The following CDH19 variants were observed in gnomAD, a reference collection of about 807,000 sequenced individuals.
CDH19 encodes the protein cadherin-19.
CDH19 carries 67 observed loss-of-function variants against 64.2 expected under a neutral mutation model. The ratio of observed to expected loss-of-function variants is 1.04; its 90% CI spans 0.86 to 1.28. CDH19 has a LOEUF of 1.28. Ranked by LOEUF, CDH19 falls within the 50% of genes most tolerant of loss-of-function variation. CDH19 has a pLI of 0.00. For missense variants in CDH19, 1,030 were observed against 929.0 expected (o/e 1.11, Z -1.41); for synonymous variants, 346 against 319.3 (o/e 1.08, Z -0.89).
chr18:66,519,766 A>T (rs1038300234), intron 9 of CDH19, among the ~76,000 whole-genome samples: 1 of 152,230 alleles, frequency 6.6e-6, no homozygotes, highest in African/African-American at 2.4e-5. Context: ...TAAATAATAC[A>T]TAAAAAGAAC....
chr18:66,588,605 C>CATATACATATATATATAT (rs1988644480), intron 1 of CDH19, among the ~76,000 whole-genome samples: 3 of 116,736 alleles, frequency 2.6e-5, no homozygotes, highest in African/African-American at 8.0e-5. Flanking sequence ...TTTTACTAAT[C>CATATACATATATATATAT]ATATATATCT....
chr18:66,538,130 C>T (rs1290915664), intron 7 of CDH19, among the ~76,000 whole-genome samples: 1 of 152,022 alleles, frequency 6.6e-6, no homozygotes, highest in Non-Finnish European at 1.5e-5. Flanking sequence ...AAAATATATT[C>T]ACTATGTAGA....
chr18:66,530,011 T>A (rs531308805), intron 8 of CDH19, 45 bp from the exon 9 acceptor site: 14 of 1,040,066 alleles, frequency 1.3e-5, no homozygotes, highest in Non-Finnish European at 1.6e-5. Flanking sequence ...TATTTTAATA[T>A]GTCTTTAGAA....
At chr18:66,598,686 G>A (rs1988965181) in intron 1 of CDH19, among the ~76,000 whole-genome samples, 1 of 152,066 alleles carries the variant, frequency 6.6e-6, no homozygotes, top group Admixed American at 6.5e-5. Flanking sequence ...CTACTTCAGG[G>A]TGGGGTGAGG....
chr18:66,522,813 T>C (rs1986054391), intron 9 of CDH19, among the ~76,000 whole-genome samples: 4 of 151,740 alleles, frequency 2.6e-5, no homozygotes, highest in African/African-American at 9.7e-5. Context: ...TTTAACAACT[T>C]TCTATAGGGA....
rs78301127 is a variant in CDH19, at chr18:66,551,499, T to C, written c.611-241A>G. ...CCCTTAATAAAATACTATGTTAAGA[T>C]AATCCACAGGTAGAAAAAAAAGAAT... is the stretch of plus-strand genomic sequence containing the variant. On this transcript the variant is annotated intron_variant, in intron 4 of 11. Coordinates refer to ENST00000262150, the MANE Select transcript of CDH19 (RefSeq NM_021153.4). Among the ~76,000 whole-genome samples the C allele has an allele frequency of 5.9e-3, 891 of 152,114 alleles. 11 individuals are homozygous for C. The highest frequency in any genetic ancestry group is 0.02 in the African/African-American group (843 of 41,526).
chr18:66,594,909 A>G (rs959278493), intron 1 of CDH19, among the ~76,000 whole-genome samples: 2 of 150,450 alleles, frequency 1.3e-5, no homozygotes, highest in Non-Finnish European at 3.0e-5. Context: ...AATGCTAGAT[A>G]ACGAGTTAGT....
rs566964464 is a variant in CDH19 at position 66,518,779 on chromosome 18, A to T, written c.1459-7094T>A. ...TATTCCTTAGAAACTTCTCTGTGAC[A>T]TAGTCTCAGTATTATTAAGCATAAT... is the stretch of plus-strand genomic sequence containing the variant. On this transcript the variant is annotated intron_variant, in intron 9 of 11. Coordinates refer to ENST00000262150, the MANE Select transcript of CDH19 (RefSeq NM_021153.4). 2.0e-5 allele frequency among the ~76,000 whole-genome samples: 3 copies of T among 152,298 alleles called. No homozygotes were observed. In the South Asian group the frequency reaches 6.2e-4, roughly 32 times the overall value.
chr18:66,600,790 G>A (rs986429358), intron 1 of CDH19, among the ~76,000 whole-genome samples: 18 of 151,880 alleles, frequency 1.2e-4, no homozygotes, highest in Admixed American at 9.8e-4. Context: ...CAATAAATTT[G>A]GAGTCAAATC....
intron 1 of CDH19, among the ~76,000 whole-genome samples, chr18:66,580,170 A>G (rs558975236): frequency 3.9e-5 from 6 of 152,072 alleles, no homozygotes; most frequent in Non-Finnish European, 7.4e-5. Flanking sequence ...GCTATTGATG[A>G]CAATGTATAG....
rs187281714 is a variant in CDH19 at position 66,550,996 on chromosome 18, T to C, written c.775+98A>G. 1.1e-3 allele frequency: 655 copies of C among 582,690 alleles called. 8 individuals are homozygous for C. In the East Asian group the frequency reaches 0.011, roughly 10 times the overall value. 36.1% of individuals were successfully genotyped at this position (582,690 alleles called of 1,614,324 possible). A position where few individuals can be genotyped will look rare whatever the true frequency, so the allele number is the denominator to read the frequency against. Reference sequence around the variant, plus strand: ...AAATTTATTTTATATAATTTTAGTGTTAATGTAGTGCTTTTAGAATGAAAA... The same window carrying C: ...AAATTTATTTTATATAATTTTAGTGCTAATGTAGTGCTTTTAGAATGAAAA... On this transcript the variant is annotated intron_variant, in intron 5 of 11. Transcript: ENST00000262150.
At chr18:66,511,546 C>A in intron 10 of CDH19, 22 bp downstream of exon 10, 1 of 996,766 alleles carries the variant, frequency 1.0e-6, no homozygotes, top group Non-Finnish European at 1.6e-6. Flanking sequence ...TATCAAAACT[C>A]ATTATGAGTG....
chr18:66,597,151 C>A (rs1271589015), intron 1 of CDH19, among the ~76,000 whole-genome samples: 29 of 74,506 alleles, frequency 3.9e-4, no homozygotes, highest in Non-Finnish European at 7.1e-4. Flanking sequence ...AGAGCCAAAG[C>A]AATCTTAAGT....
intron 1 of CDH19, among the ~76,000 whole-genome samples, chr18:66,595,801 T>C (rs1230896733): frequency 6.6e-6 from 1 of 152,088 alleles, no homozygotes; most frequent in African/African-American, 2.4e-5. Context: ...ATGGACTCCT[T>C]TCTAACTCGT....
At chr18:66,510,555 TAAATA>T (rs1163861713) in intron 10 of CDH19, among the ~76,000 whole-genome samples, 1 of 144,030 alleles carries the variant, frequency 6.9e-6, no homozygotes, top group Non-Finnish European at 1.5e-5. Flanking sequence ...AAAAAATAAA[TAAATA>T]AAATAACGTT....
chr18:66,548,699 A>C (rs531621718), intron 5 of CDH19, among the ~76,000 whole-genome samples: 2 of 152,272 alleles, frequency 1.3e-5, no homozygotes, highest in East Asian at 3.9e-4. Context: ...AGTAGTGTGG[A>C]TGTAACTCAA....
In CDH19 at chr18:66,544,754, G is replaced by GATTAGTAAATTAGTAA. The variant is rs763563142; in HGVS notation, c.924_925insTTACTAATTTACTAAT (p.His309LeufsTer5). The GATTAGTAAATTAGTAA allele has an allele frequency of 1.7e-5, 27 of 1,610,074 alleles. No individual in the cohort carries two copies. The highest frequency in any genetic ancestry group is 2.2e-5 in the Non-Finnish European group (26 of 1,177,634). On this transcript the variant is annotated stop_gained and frameshift_variant, in exon 6 of 12. Transcript: ENST00000262150. LOFTEE classifies it high-confidence loss of function. ...ATAACTATTCCTTCTTGAGTTTCAT[G>GATTAGTAAATTAGTAA]ATTAGTAATAATGTCAAATGTTTGC... is the stretch of plus-strand genomic sequence containing the variant.
At chr18:66,570,549 A>G (rs1238958821) in intron 2 of CDH19, among the ~76,000 whole-genome samples, 2 of 151,758 alleles carry the variant, frequency 1.3e-5, no homozygotes, top group Non-Finnish European at 2.9e-5. Context: ...AATGGATCAA[A>G]GAGAGTTATC....
In CDH19 at chr18:66,572,148, A is replaced by G. The variant is rs547212337; in HGVS notation, c.57T>C (p.Cys19=). Residue 19 remains cysteine (C), a synonymous_variant, in exon 2 of 12, where the codon TGT becomes TGC. Transcript: ENST00000262150. ...TTTGAGAGTTTTCTGTTGCTCCAAG[A>G]CAAGGCCATAGGAGAGGAATTCCCA... ...FMLGIPLLWP[C]LGATENSQTK... The G allele has an allele frequency of 3.8e-5, 61 of 1,611,432 alleles. No homozygotes were observed. The highest frequency in any genetic ancestry group is 5.0e-5 in the Non-Finnish European group (59 of 1,178,372).
Sources: gnomAD v4.1 joint callset for allele counts (sites outside exome capture counted in the v4.1 genomes callset) on GRCh38, gnomAD v4.1.1 for gene constraint, MANE v1.5 for transcripts, NCBI Gene and HGNC (gene_info 2026-07-23, HGNC 2026-07-21) for gene names.